The following ZNF438 variants were observed in gnomAD, a reference collection of about 807,000 sequenced individuals.
ZNF438 encodes zinc finger protein 438.
In ZNF438, 25 loss-of-function variants were observed where a neutral mutation model predicts 38.0. The ratio of observed to expected loss-of-function variants is 0.66; its 90% CI spans 0.48 to 0.92. The LOEUF (loss-of-function observed/expected upper bound fraction) is 0.92. Ranked by LOEUF, ZNF438 falls within the 40% of genes least tolerant of loss-of-function variation. ZNF438 has a pLI of 0.00. For synonymous variants in ZNF438, 372 were observed against 364.1 expected, an observed-to-expected ratio of 1.02 and a Z score of -0.25; for missense variants, 1,007 against 999.6, an observed-to-expected ratio of 1.01 and a Z score of -0.10.
chr10:30,907,175 A>G (rs2042664998), intron 3 of ZNF438, among the ~76,000 whole-genome samples: 1 of 152,192 alleles, frequency 6.6e-6, no homozygotes, highest in South Asian at 2.1e-4. Context: ...CGGTTTCACC[A>G]TGGTGGCTAG....
intron 1 of ZNF438, among the ~76,000 whole-genome samples, chr10:30,982,104 T>TA (rs1438297878): frequency 5.7e-4 from 86 of 150,874 alleles, no homozygotes; most frequent in Non-Finnish European, 1.1e-3. Context: ...TCTTTCTTTT[T>TA]TTTTTTTTTA....
intron 1 of ZNF438, among the ~76,000 whole-genome samples, chr10:30,975,628 CTA>C (rs2051254931): frequency 6.6e-6 from 1 of 152,144 alleles, no homozygotes; most frequent in Non-Finnish European, 1.5e-5. Flanking sequence ...TCACATCTGA[CTA>C]TTTCTACTTC....
intron 3 of ZNF438, among the ~76,000 whole-genome samples, chr10:30,895,113 G>C (rs2134107516): frequency 6.6e-6 from 1 of 152,276 alleles, no homozygotes; most frequent in African/African-American, 2.4e-5. Flanking sequence ...GCAAGGATTT[G>C]TTAAATAGTT....
chr10:30,850,054 C>T (rs1564482579), exon 5 of ZNF438: 2 of 1,614,096 alleles, frequency 1.2e-6, no homozygotes, highest in Admixed American at 1.7e-5. Context: ...TAGGAAGTTT[C>T]AGGTTTTCAG....
At chr10:30,937,771 A>T (rs1053535499) in intron 2 of ZNF438, among the ~76,000 whole-genome samples, 11 of 152,214 alleles carry the variant, frequency 7.2e-5, no homozygotes, top group Non-Finnish European at 1.5e-4. Flanking sequence ...CACTGCTCTA[A>T]TTCAAGCTGT....
intron 2 of ZNF438, among the ~76,000 whole-genome samples, chr10:30,915,495 T>G (rs1334976708): frequency 4.6e-5 from 7 of 152,092 alleles, no homozygotes; most frequent in Admixed American, 1.3e-4. Context: ...TGAATACTTA[T>G]AAAGAGTAAA....
At chr10:30,919,972 G>A (rs1173471793) in intron 2 of ZNF438, 1 of 152,176 alleles carries the variant, frequency 6.6e-6, no homozygotes, top group Non-Finnish European at 1.5e-5. Context: ...AAATGTCCTT[G>A]GTTTTCTGTG....
At chr10:30,919,882 C>T (rs550286272) in intron 2 of ZNF438, 1 of 152,300 alleles carries the variant, frequency 6.6e-6, no homozygotes, top group South Asian at 2.1e-4. Flanking sequence ...CCAACCCAAG[C>T]ATACAGTACT....
chr10:30,908,490 G>A (rs1438120536), intron 3 of ZNF438, among the ~76,000 whole-genome samples: 8 of 152,168 alleles, frequency 5.3e-5, no homozygotes, highest in Admixed American at 5.2e-4. Flanking sequence ...CATCCTAATG[G>A]TAGGAGGTAT....
At chr10:30,848,687 G>A (rs748868041) in exon 5 of ZNF438, 1 of 1,614,200 alleles carries the variant, frequency 6.2e-7, no homozygotes, top group East Asian at 2.2e-5. Flanking sequence ...AAACACTTTT[G>A]CACAAAACTC....
At chr10:30,963,160 G>A (rs1313828031) in intron 1 of ZNF438, among the ~76,000 whole-genome samples, 1 of 152,142 alleles carries the variant, frequency 6.6e-6, no homozygotes, top group Non-Finnish European at 1.5e-5. Context: ...GGGAGGCCAA[G>A]GTGGGCAGAT....
chr10:30,888,891 G>T (rs149853050), intron 3 of ZNF438, among the ~76,000 whole-genome samples: 17 of 152,326 alleles, frequency 1.1e-4, no homozygotes, highest in Middle Eastern at 3.4e-3. Flanking sequence ...TTTATACCCA[G>T]TGATGGGATT....
chr10:30,864,947 C>T (rs2036181313), intron 4 of ZNF438, among the ~76,000 whole-genome samples: 1 of 152,162 alleles, frequency 6.6e-6, no homozygotes, highest in Non-Finnish European at 1.5e-5. Context: ...ACCTCCAGTC[C>T]ATAGATGTGA....
At chr10:30,959,066 CT>C (rs915233246) in intron 1 of ZNF438, among the ~76,000 whole-genome samples, 4 of 147,174 alleles carry the variant, frequency 2.7e-5, no homozygotes, top group African/African-American at 9.7e-5. Flanking sequence ...GTTTTCATTT[CT>C]CTTGGGCAGA....
At chr10:30,844,812 GAAAAT>G (rs2031487910) in exon 6 of ZNF438, 1 of 1,026,992 alleles carries the variant, frequency 9.7e-7, no homozygotes, top group Admixed American at 2.5e-5. Flanking sequence ...ATTTCGTTAA[GAAAAT>G]AAAACCATGT....
At chr10:30,997,342 GAATA>G (rs1214403538) in intron 1 of ZNF438, among the ~76,000 whole-genome samples, 1 of 152,066 alleles carries the variant, frequency 6.6e-6, no homozygotes, top group Admixed American at 6.5e-5. Context: ...GGAATTTAAG[GAATA>G]AATGGGAGGG....
In ZNF438 at chr10:30,985,634, C is replaced by T. The variant is rs547528331; in HGVS notation, c.-191-43983G>A. Among the ~76,000 whole-genome samples the T allele has an allele frequency of 1.1e-3, 168 of 152,310 alleles. 1 individual carries two copies. Among genetic ancestry groups the T allele is most frequent in the East Asian group, 1.2e-3 (6 of 5,188 alleles). On this transcript the variant is annotated intron_variant, in intron 1 of 5. Coordinates refer to ENST00000413025, the Ensembl canonical transcript of ZNF438. ...GAAACACTTGACATTGCTTTAATTG[C>T]TACTTAAAAATCAGTTTAGAAGTTC...
At chr10:30,946,454 G>C (rs991661562) in intron 1 of ZNF438, among the ~76,000 whole-genome samples, 29 of 152,006 alleles carry the variant, frequency 1.9e-4, no homozygotes, top group Non-Finnish European at 3.7e-4. Flanking sequence ...ATCTGACAAA[G>C]GGCTAATATC....
chr10:31,019,457 A>AT (rs1296125807), intron 1 of ZNF438, among the ~76,000 whole-genome samples: 1 of 152,242 alleles, frequency 6.6e-6, no homozygotes, highest in Non-Finnish European at 1.5e-5. Flanking sequence ...ACATGGAAAA[A>AT]TTTTGATGGC....
Sources: gnomAD v4.1 joint callset for allele counts (sites outside exome capture counted in the v4.1 genomes callset) on GRCh38, gnomAD v4.1.1 for gene constraint, MANE v1.5 for transcripts, NCBI Gene and HGNC (gene_info 2026-07-23, HGNC 2026-07-21) for gene names.